Variants in NPTN observed in about 807,000 individuals in gnomAD.
NPTN encodes the protein neuroplastin, also known as SDR-1.
Under a neutral mutation model 42.7 loss-of-function variants are expected in NPTN, and 5 were observed. That is an observed-to-expected ratio of 0.12 (90% confidence interval 0.06 to 0.25). NPTN has a LOEUF of 0.25. NPTN is among the 10% of genes least tolerant of loss of function. NPTN has a pLI of 1.00. For missense variants in NPTN, 307 were observed against 525.4 expected, an observed-to-expected ratio of 0.58 and a Z score of 4.06; for synonymous variants, 180 against 201.9, an observed-to-expected ratio of 0.89 and a Z score of 0.92.
intron 1 of NPTN, among the ~76,000 whole-genome samples, chr15:73,604,924 T>C (rs1034263483): frequency 6.6e-6 from 1 of 151,752 alleles, no homozygotes; most frequent in Admixed American, 6.6e-5. Flanking sequence ...CTGGACAACA[T>C]GGTGAAATCC....
intron 2 of NPTN, among the ~76,000 whole-genome samples, chr15:73,594,213 C>G (rs1896727741): frequency 6.6e-6 from 1 of 152,160 alleles, no homozygotes; most frequent in African/African-American, 2.4e-5. Context: ...TCCTCTCAGA[C>G]TGCACTGAGA....
chr15:73,609,521 C>G (rs1038942645), intron 1 of NPTN, among the ~76,000 whole-genome samples: 2 of 152,118 alleles, frequency 1.3e-5, no homozygotes, highest in Non-Finnish European at 2.9e-5. Flanking sequence ...ATCCCAGCTA[C>G]TCGGGTGGCT....
In NPTN at chr15:73,560,638, A is replaced by G. The variant is rs1894607470; in HGVS notation, c.*425T>C. ...CAAAAATATAAATATATATATATAT[A>G]TATTTATATACTGTATATATCTGTA... On this transcript the variant is annotated 3_prime_UTR_variant, in exon 9 of 9. Transcript: ENST00000345330. 1 of 149,082 alleles carries G rather than the reference A, an allele frequency of 6.7e-6. No individual in the cohort carries two copies. The highest frequency in any genetic ancestry group is 6.7e-5 in the Admixed American group (1 of 14,880). The allele number at this position is 149,082 out of a possible 1,614,324, so 9.2% of individuals were successfully genotyped here. A position where few individuals can be genotyped will look rare whatever the true frequency, so the allele number is the denominator to read the frequency against.
chr15:73,580,941 T>A (rs1316228371), intron 4 of NPTN, among the ~76,000 whole-genome samples: 1 of 152,032 alleles, frequency 6.6e-6, no homozygotes, highest in African/African-American at 2.4e-5. Flanking sequence ...TATTGTAAAA[T>A]AAGAGTAATA....
chr15:73,581,583 T>C (rs1382534974), intron 4 of NPTN, among the ~76,000 whole-genome samples: 1 of 152,150 alleles, frequency 6.6e-6, no homozygotes, highest in East Asian at 1.9e-4. Context: ...CAACAGCACC[T>C]GAACCAATTT....
chr15:73,596,676 A>C (rs1896849228), intron 2 of NPTN, among the ~76,000 whole-genome samples: 1 of 152,172 alleles, frequency 6.6e-6, no homozygotes, highest in South Asian at 2.1e-4. Context: ...GCCTGGTTTT[A>C]TGAGTTTTAA....
intron 4 of NPTN, among the ~76,000 whole-genome samples, chr15:73,580,463 ATATATT>A (rs1227517318): frequency 7.4e-6 from 1 of 135,194 alleles, no homozygotes; most frequent in Non-Finnish European, 1.5e-5. Flanking sequence ...TATATACAAA[ATATATT>A]TATATATACA....
intron 6 of NPTN, chr15:73,565,783 GCA>G: frequency 2.2e-6 from 1 of 456,426 alleles, no homozygotes; most frequent in South Asian, 1.5e-5. Flanking sequence ...TGGAACTGTA[GCA>G]CACACTGATT....
intron 1 of NPTN, among the ~76,000 whole-genome samples, chr15:73,610,186 A>G (rs1415859346): frequency 6.6e-6 from 1 of 152,024 alleles, no homozygotes; most frequent in Non-Finnish European, 1.5e-5. Flanking sequence ...TCCTTGGTTC[A>G]AGCAATCCTC....
intron 8 of NPTN, among the ~76,000 whole-genome samples, 179 bp from the exon 9 acceptor site, chr15:73,561,227 G>C (rs944704106): frequency 2.0e-5 from 3 of 152,180 alleles, no homozygotes; most frequent in African/African-American, 7.2e-5. Flanking sequence ...GGCCATTCTT[G>C]TCTTGCCCCC....
At position 73,560,523 on chromosome 15, in the gene NPTN, TTCC is replaced by T. The variant is rs1308755946; in HGVS notation, c.*537_*539del. On this transcript the variant is annotated 3_prime_UTR_variant, in exon 9 of 9. Coordinates refer to ENST00000345330, the MANE Select transcript of NPTN (RefSeq NM_012428.4). ...TCTTTATGTACCAGAACTGCACAAT[TTCC>T]TCATCTGACAACATACAATAAGGAA... 1 of 152,262 alleles carries T rather than the reference TTCC, an allele frequency of 6.6e-6. No individual in the cohort carries two copies. The highest frequency in any genetic ancestry group is 1.5e-5 in the Non-Finnish European group (1 of 67,956). The allele number at this position is 152,262 out of a possible 1,614,324, so 9.4% of individuals were successfully genotyped here.
chr15:73,580,422 A>ATATATATTATATATATAT (rs1555407984), intron 4 of NPTN, among the ~76,000 whole-genome samples: 1 of 102,144 alleles, frequency 9.8e-6, no homozygotes, highest in East Asian at 2.6e-4. Flanking sequence ...TATATATATA[A>ATATATATTATATATATAT]TATATATATA....
intron 1 of NPTN, among the ~76,000 whole-genome samples, chr15:73,624,901 T>G (rs1427456153): frequency 6.6e-6 from 1 of 152,242 alleles, no homozygotes; most frequent in Non-Finnish European, 1.5e-5. Flanking sequence ...ATATTCAAAT[T>G]ACTGTGGCTT....
intron 4 of NPTN, among the ~76,000 whole-genome samples, chr15:73,583,845 C>T (rs550909892): frequency 2.0e-5 from 3 of 152,264 alleles, no homozygotes; most frequent in Non-Finnish European, 2.9e-5. Context: ...CTGAAAGTGC[C>T]GTGTGAATGT....
At chr15:73,614,319 TA>T (rs11427278) in intron 1 of NPTN, among the ~76,000 whole-genome samples, 2,951 of 149,998 alleles carry the variant, frequency 0.02, 102 homozygotes, top group African/African-American at 0.068. Flanking sequence ...GACCCTGTCT[TA>T]AAAAAAAAAT....
In NPTN at chr15:73,561,957, T is replaced by C. The variant is rs143359747; in HGVS notation, c.1150A>G (p.Thr384Ala). ...AAGTTTTTATCTTTGTGATTGTTGGTAGAGTTGGTTTTCCTTTGGAGGAAA... is the reference window on the plus strand; with the variant it reads ...AAGTTTTTATCTTTGTGATTGTTGGCAGAGTTGGTTTTCCTTTGGAGGAAA... Reference protein sequence around the residue: ...EPAGPMKTNSTNNHKDKNLRQ... With the variant: ...EPAGPMKTNSANNHKDKNLRQ... Residue 384 changes from threonine (T) to alanine (A), a missense_variant, in exon 8 of 9, where the codon ACC becomes GCC. Physicochemically the swap from Thr to Ala is moderately conservative, Grantham distance 58. This residue lies in a region of NPTN where 264 missense variants were observed against 491.1 expected (regional missense o/e 0.54). Coordinates refer to ENST00000345330, the MANE Select transcript of NPTN (RefSeq NM_012428.4). 20 of 1,593,680 alleles carry C rather than the reference T, an allele frequency of 1.3e-5. No homozygotes were observed. In the African/African-American group the frequency reaches 2.6e-4, roughly 21 times the overall value.
intron 4 of NPTN, among the ~76,000 whole-genome samples, chr15:73,580,628 T>C (rs1374492348): frequency 6.8e-6 from 1 of 146,700 alleles, no homozygotes; most frequent in Non-Finnish European, 1.5e-5. Flanking sequence ...TATATGTATA[T>C]ATGTATATAC....
rs188530243 is a variant in NPTN, at chr15:73,587,155, G to C, written c.706+369C>G. Among the ~76,000 whole-genome samples, 87 of 152,182 alleles carry C rather than the reference G, an allele frequency of 5.7e-4. 2 individuals are homozygous for C. The highest frequency in any genetic ancestry group is 8.5e-4 in the Admixed American group (13 of 15,278). ...GATCTAAGAGCTTTACAAAGCCTTG[G>C]GCCATAGGAGCTGCCAGCATTCAAA... is the stretch of plus-strand genomic sequence containing the variant. On this transcript the variant is annotated intron_variant, in intron 4 of 8. Coordinates refer to ENST00000345330, the MANE Select transcript of NPTN (RefSeq NM_012428.4).
At chr15:73,563,430 A>G in intron 6 of NPTN, 173 bp from the exon 7 acceptor site, 4 of 1,391,252 alleles carry the variant, frequency 2.9e-6, no homozygotes, top group Non-Finnish European at 3.7e-6. Context: ...TCATGGAGTT[A>G]TTATTTCTAG....
Sources: gnomAD v4.1 joint callset for allele counts (sites outside exome capture counted in the v4.1 genomes callset) on GRCh38, gnomAD v4.1.1 for gene constraint, gnomAD v4.1.1 regional missense constraint, MANE v1.5 for transcripts, NCBI Gene and HGNC (gene_info 2026-07-23, HGNC 2026-07-21) for gene names.